Variants in CRYBB2 observed in about 807,000 individuals in gnomAD.
CRYBB2 encodes crystallin beta B2, also known as beta-crystallin B2.
In CRYBB2, 12 loss-of-function variants were observed where a neutral mutation model predicts 24.3. The observed-to-expected ratio is 0.49, with a 90% CI of 0.32 to 0.80. CRYBB2 has a LOEUF of 0.80. CRYBB2 is among the 30% of genes least tolerant of loss of function. The pLI is 0.04. For synonymous variants in CRYBB2, 98 were observed against 101.6 expected, an observed-to-expected ratio of 0.96 and a Z score of 0.21; for missense variants, 198 against 268.5, an observed-to-expected ratio of 0.74 and a Z score of 1.83.
intron 4 of CRYBB2, 64 bp from the exon 5 acceptor site, chr22:25,229,372 G>T (rs1385048862): frequency 2.0e-6 from 3 of 1,533,434 alleles, no homozygotes; most frequent in South Asian, 1.2e-5. Context: ...CATGAGCATG[G>T]GGTGGGAAGG....
rs1935318483 is a variant in CRYBB2 at position 25,221,446 on chromosome 22, A to G, written c.17A>G (p.Gln6Arg). The change falls in exon 2 of 6, where the codon CAG becomes CGG. Residue 6 changes from glutamine (Q) to arginine (R), a missense_variant. Physicochemically the swap from Gln to Arg is conservative, Grantham distance 43 (BLOSUM62 1). Transcript: ENST00000398215. MASDH[Q>R]TQAGKPQSLN... ...CAGTCCACCATGGCCTCAGATCACC[A>G]GACCCAGGCGGGCAAGCCACAGTCC... 1.2e-6 allele frequency: 2 copies of G among 1,613,858 alleles called. No homozygotes were observed. The highest frequency in any genetic ancestry group is 8.5e-7 in the Non-Finnish European group (1 of 1,179,822).
intron 5 of CRYBB2, among the ~76,000 whole-genome samples, 186 bp downstream of exon 5, chr22:25,229,764 C>G (rs1935499368): frequency 6.6e-6 from 1 of 152,142 alleles, no homozygotes; most frequent in South Asian, 2.1e-4. Context: ...CGCTGAATTT[C>G]TTTCTAGAGC....
At chr22:25,218,039 A>C (rs188387430), upstream of CRYBB2, among the ~76,000 whole-genome samples, 592 of 150,168 alleles carry the variant, frequency 3.9e-3, 1 homozygote, top group Middle Eastern at 7.2e-3. Context: ...ACGGGCGGAT[A>C]ATGAGGTCAG....
At position 25,231,850 on chromosome 22, in the gene CRYBB2, A is replaced by G. The variant is rs1345078630; in HGVS notation, c.*78A>G. ...CCTCCAGACCTCCCAGAGAGTGAAT[A>G]AAGTGTGACTTGCAACTTGTCTGCT... On this transcript the variant is annotated 3_prime_UTR_variant, in exon 6 of 6. Transcript: ENST00000398215. 1.3e-5 allele frequency: 18 copies of G among 1,378,494 alleles called. No individual in the cohort carries two copies. The highest frequency in any genetic ancestry group is 4.6e-5 in the South Asian group (4 of 86,254). The allele number at this position is 1,378,494 out of a possible 1,614,324, so 85.4% of individuals were successfully genotyped here. A position where few individuals can be genotyped will look rare whatever the true frequency, so the allele number is the denominator to read the frequency against.
intron 5 of CRYBB2, among the ~76,000 whole-genome samples, chr22:25,230,330 G>A (rs1471339752): frequency 6.7e-6 from 1 of 150,322 alleles, no homozygotes; most frequent in Non-Finnish European, 1.5e-5. Flanking sequence ...CTGATTTTTT[G>A]CATTTTTAGT....
chr22:25,219,088 C>G (rs1464521802), upstream of CRYBB2, among the ~76,000 whole-genome samples: 1 of 152,094 alleles, frequency 6.6e-6, no homozygotes, highest in Non-Finnish European at 1.5e-5. Context: ...CACCCTGTTC[C>G]CAGGCTTCCT....
At chr22:25,212,188 A>G (rs1250119173), upstream of CRYBB2, among the ~76,000 whole-genome samples, 1 of 152,242 alleles carries the variant, frequency 6.6e-6, no homozygotes, top group Admixed American at 6.5e-5. Context: ...GCTCCGTTCC[A>G]GACACAGGAT....
intron 5 of CRYBB2, among the ~76,000 whole-genome samples, chr22:25,231,045 A>G (rs554912421): frequency 6.6e-6 from 1 of 152,320 alleles, no homozygotes; most frequent in Admixed American, 6.5e-5. Flanking sequence ...ATGTGGGAGC[A>G]TAAGAATGCG....
upstream of CRYBB2, among the ~76,000 whole-genome samples, chr22:25,218,560 T>A (rs1003651745): frequency 3.4e-5 from 5 of 147,280 alleles, no homozygotes; most frequent in Non-Finnish European, 7.5e-5. Flanking sequence ...CAGCTACTGG[T>A]GAGGCTGAGG....
At chr22:25,229,055 GCGT>G (rs1935481934) in intron 4 of CRYBB2, among the ~76,000 whole-genome samples, 1 of 103,190 alleles carries the variant, frequency 9.7e-6, no homozygotes, top group Non-Finnish European at 2.2e-5. Context: ...AGTGTGGTGT[GCGT>G]GTGTGCATGT....
upstream of CRYBB2, among the ~76,000 whole-genome samples, chr22:25,218,146 C>G (rs971941077): frequency 2.0e-5 from 3 of 151,838 alleles, no homozygotes; most frequent in African/African-American, 4.8e-5. Context: ...GTAGTCCCAG[C>G]TACTAGGGAG....
rs200311848 is a variant in CRYBB2, at chr22:25,229,023, C to CGTGT, written c.307-409_307-406dup. ...GTGTGTGTGCAAGTGTGGGTGTGCA[C>CGTGT]GTGTGTGCGTGCGTGTGTGCAAGTG... On this transcript the variant is annotated intron_variant, in intron 4 of 5. Coordinates refer to ENST00000398215, the MANE Select transcript of CRYBB2 (RefSeq NM_000496.3). Among the ~76,000 whole-genome samples the CGTGT allele has an allele frequency of 6.2e-5, 9 of 145,882 alleles. No individual in the cohort carries two copies. The South Asian group carries it at 1.1e-3, about 18-fold the overall frequency.
upstream of CRYBB2, among the ~76,000 whole-genome samples, chr22:25,211,740 A>C (rs891327865): frequency 1.3e-5 from 2 of 152,232 alleles, no homozygotes; most frequent in African/African-American, 4.8e-5. Context: ...TATGGGGCAG[A>C]ACCTGAGAGT....
intron 1 of CRYBB2, 137 bp downstream of exon 1, chr22:25,219,803 GTAAC>G (rs950559733): frequency 6.6e-6 from 1 of 152,190 alleles, no homozygotes; most frequent in Non-Finnish European, 1.5e-5. Context: ...TTCTTTTCTG[GTAAC>G]TGGGAAGGGG....
upstream of CRYBB2, among the ~76,000 whole-genome samples, chr22:25,218,735 GGGAGAGAGAGAGAGA>G (rs1935236300): frequency 7.0e-4 from 29 of 41,504 alleles, 1 homozygote; most frequent in Middle Eastern, 0.013. Context: ...AGAGAGAGAG[GGGAGAGAGAGAGAGA>G]GAGAGAGAGA....
At chr22:25,218,482 C>A (rs1935217798), upstream of CRYBB2, among the ~76,000 whole-genome samples, 1 of 151,402 alleles carries the variant, frequency 6.6e-6, no homozygotes, top group Non-Finnish European at 1.5e-5. Context: ...CATGTCAAAA[C>A]CCTGTCTCTA....
upstream of CRYBB2, among the ~76,000 whole-genome samples, chr22:25,218,780 A>AGAG (rs1197095284): frequency 4.7e-3 from 109 of 23,440 alleles, 9 homozygotes; most frequent in South Asian, 0.023. Flanking sequence ...AGAGAGAGAG[A>AGAG]AGAAAGAAAG....
chr22:25,231,507 G>T (rs983613097), intron 5 of CRYBB2, 97 bp from the exon 6 acceptor site: 16 of 1,197,978 alleles, frequency 1.3e-5, no homozygotes, highest in Admixed American at 1.2e-4. Context: ...CTTCCTAGTG[G>T]CTTATGGATG....
chr22:25,217,543 C>T (rs1935190869), upstream of CRYBB2, among the ~76,000 whole-genome samples: 1 of 152,072 alleles, frequency 6.6e-6, no homozygotes, highest in South Asian at 2.1e-4. Flanking sequence ...TCTCGAGCTC[C>T]CAACCTCAGG....
Sources: allele counts gnomAD v4.1 joint callset (sites outside exome capture counted in the v4.1 genomes callset), GRCh38; gene constraint gnomAD v4.1.1; transcripts MANE v1.5; gene names NCBI Gene and HGNC (gene_info 2026-07-23, HGNC 2026-07-21).